ENOX1: variants seen among roughly 807,000 people sequenced by gnomAD.
The protein encoded by ENOX1 is ecto-NOX disulfide-thiol exchanger 1.
In ENOX1, 42 loss-of-function variants were observed where a neutral mutation model predicts 82.5. That is an observed-to-expected ratio of 0.51 (90% CI 0.40 to 0.66). ENOX1 has a LOEUF of 0.66. Ranked by LOEUF, ENOX1 falls within the 30% of genes least tolerant of loss-of-function variation. ENOX1 has a pLI of 0.00. For missense variants in ENOX1, 608 were observed against 811.6 expected (o/e 0.75, Z 3.05); for synonymous variants, 271 against 282.2 (o/e 0.96, Z 0.40).
intron 12 of ENOX1, among the ~76,000 whole-genome samples, chr13:43,277,147 A>C (rs988344045): frequency 6.6e-6 from 1 of 152,248 alleles, no homozygotes; most frequent in African/African-American, 2.4e-5. Flanking sequence ...CTATTACACT[A>C]GGCTATACAT....
intron 3 of ENOX1, among the ~76,000 whole-genome samples, chr13:43,480,029 G>A (rs1593413868): frequency 6.6e-6 from 1 of 151,636 alleles, no homozygotes; most frequent in South Asian, 2.1e-4. Context: ...TCCACCTCCC[G>A]GGTTCAAGCC....
chr13:43,653,913 A>G (rs2084309473), intron 2 of ENOX1, among the ~76,000 whole-genome samples: 1 of 152,208 alleles, frequency 6.6e-6, no homozygotes. Context: ...AACCACTAAC[A>G]GAATCTTTAC....
chr13:43,384,279 C>T (rs2052263893), intron 5 of ENOX1, among the ~76,000 whole-genome samples: 1 of 152,182 alleles, frequency 6.6e-6, no homozygotes. Flanking sequence ...CTCTAAGCTG[C>T]CTCCTTATGG....
chr13:43,245,051 T>C (rs987289823), intron 14 of ENOX1, among the ~76,000 whole-genome samples: 1 of 152,218 alleles, frequency 6.6e-6, no homozygotes, highest in African/African-American at 2.4e-5. Context: ...TGATTAGAAC[T>C]GTGGTTGGGG....
chr13:43,715,086 G>A (rs2088018656), intron 1 of ENOX1, among the ~76,000 whole-genome samples: 1 of 152,102 alleles, frequency 6.6e-6, no homozygotes, highest in South Asian at 2.1e-4. Flanking sequence ...TCCTTCAGGA[G>A]CTCTTTTAGG....
At chr13:43,693,549 C>T (rs1330946247) in intron 1 of ENOX1, among the ~76,000 whole-genome samples, 1 of 152,108 alleles carries the variant, frequency 6.6e-6, no homozygotes, top group Admixed American at 6.6e-5. Context: ...TTCCAGTGGC[C>T]GTGAAACAAG....
chr13:43,462,672 A>G (rs1019382175), intron 3 of ENOX1, among the ~76,000 whole-genome samples: 1 of 152,246 alleles, frequency 6.6e-6, no homozygotes, highest in Admixed American at 6.5e-5. Context: ...AGGGTAGCAA[A>G]TAAAGTTTAT....
intron 2 of ENOX1, among the ~76,000 whole-genome samples, chr13:43,509,429 G>A (rs1455346346): frequency 6.6e-6 from 1 of 151,988 alleles, no homozygotes; most frequent in Non-Finnish European, 1.5e-5. Context: ...CAGGGTCTGT[G>A]AGCCACATCC....
chr13:43,635,292 C>A (rs964727330), intron 2 of ENOX1, among the ~76,000 whole-genome samples: 1 of 152,050 alleles, frequency 6.6e-6, no homozygotes, highest in Non-Finnish European at 1.5e-5. Flanking sequence ...GACTTAAAAC[C>A]GGGATTTGGT....
intron 11 of ENOX1, among the ~76,000 whole-genome samples, chr13:43,303,117 C>T (rs933046890): frequency 1.3e-4 from 20 of 152,200 alleles, no homozygotes; most frequent in African/African-American, 4.8e-4. Context: ...ATTTCCTTCC[C>T]ACATGCAAAG....
intron 12 of ENOX1, among the ~76,000 whole-genome samples, chr13:43,297,606 C>T (rs539895850): frequency 6.6e-6 from 1 of 152,290 alleles, no homozygotes; most frequent in Admixed American, 6.5e-5. Flanking sequence ...TGACTCTATT[C>T]CCTCACTGCC....
At chr13:43,354,832 T>G (rs901500354) in intron 8 of ENOX1, among the ~76,000 whole-genome samples, 2 of 152,260 alleles carry the variant, frequency 1.3e-5, no homozygotes, top group African/African-American at 4.8e-5. Flanking sequence ...AGCCTCTAAC[T>G]AGAATGCCTT....
intron 3 of ENOX1, among the ~76,000 whole-genome samples, chr13:43,423,822 C>T (rs921402490): frequency 6.6e-6 from 1 of 152,122 alleles, no homozygotes; most frequent in Non-Finnish European, 1.5e-5. Flanking sequence ...CTTGCCTCCC[C>T]CTGGTCAAAT....
At chr13:43,382,714 T>A (rs541730583) in intron 5 of ENOX1, among the ~76,000 whole-genome samples, 1 of 152,192 alleles carries the variant, frequency 6.6e-6, no homozygotes, top group Non-Finnish European at 1.5e-5. Context: ...TTGATTGTGA[T>A]GATTTCACAA....
chr13:43,247,884 T>TA (rs1566330089), intron 14 of ENOX1, among the ~76,000 whole-genome samples: 2 of 2,314 alleles, frequency 8.6e-4, no homozygotes, highest in Non-Finnish European at 2.5e-3. Context: ...TATATATATA[T>TA]TTTTTTTTTT....
In ENOX1 at chr13:43,213,896, G is replaced by A. The variant is rs146881206; in HGVS notation, c.*94C>T. The A allele has an allele frequency of 2.1e-5, 30 of 1,460,880 alleles. No homozygotes were observed. The highest frequency in any genetic ancestry group is 1.7e-4 in the African/African-American group (12 of 70,910). 90.5% of individuals were successfully genotyped at this position (1,460,880 alleles called of 1,614,324 possible). On this transcript the variant is annotated 3_prime_UTR_variant, in exon 17 of 17. Coordinates refer to ENST00000690772, the MANE Select transcript of ENOX1 (RefSeq NM_001347969.2). ...GCTTCGATGGCTCCACAAAGGTTGC[G>A]TGCTGGACCAACCCCACACCTCCTG...
intron 9 of ENOX1, among the ~76,000 whole-genome samples, chr13:43,329,970 G>A (rs1176217617): frequency 6.6e-6 from 1 of 152,162 alleles, no homozygotes; most frequent in Non-Finnish European, 1.5e-5. Context: ...ACCTCTAAGA[G>A]TATGCCCTAA....
intron 2 of ENOX1, among the ~76,000 whole-genome samples, chr13:43,537,474 G>A (rs1451282678): frequency 2.6e-5 from 4 of 152,212 alleles, no homozygotes; most frequent in Non-Finnish European, 5.9e-5. Context: ...CCAAAGAAAT[G>A]CTGTTTTGTA....
intron 2 of ENOX1, among the ~76,000 whole-genome samples, chr13:43,506,506 A>G (rs1476728977): frequency 7.2e-6 from 1 of 139,098 alleles, no homozygotes; most frequent in Non-Finnish European, 1.6e-5. Flanking sequence ...AAAGGATTAT[A>G]AATCATGCTG....
Sources: allele counts gnomAD v4.1 joint callset (sites outside exome capture counted in the v4.1 genomes callset), GRCh38; gene constraint gnomAD v4.1.1; transcripts MANE v1.5; gene names NCBI Gene and HGNC (gene_info 2026-07-23, HGNC 2026-07-21).